FAF1: variants seen among roughly 807,000 people sequenced by gnomAD.
FAF1 encodes Fas associated factor 1.
FAF1 carries 25 observed loss-of-function variants against 92.5 expected under a neutral mutation model. The observed-to-expected ratio is 0.27, with a 90% CI of 0.20 to 0.38. FAF1 has a LOEUF of 0.38. Among genes scored for constraint, FAF1 ranks in the 10% least tolerant of loss-of-function variants. The pLI is 1.00. For missense variants in FAF1, 636 were observed against 793.3 expected (o/e 0.80, Z 2.38); for synonymous variants, 234 against 273.2 (o/e 0.86, Z 1.42).
intron 1 of FAF1, among the ~76,000 whole-genome samples, chr1:50,945,108 G>A (rs904127736): frequency 1.8e-4 from 27 of 152,156 alleles, no homozygotes; most frequent in African/African-American, 3.9e-4. Flanking sequence ...GCCTATGAAC[G>A]GCAGGGAGCA....
In FAF1 at chr1:50,583,595, A is replaced by C. The variant is rs994971421; in HGVS notation, c.1031+57T>G. ...AATCTATAATTAAAATTGCCCAAGAAAAATCACAGTAGCATAAAACAGCAT... is the reference window on the plus strand; with the variant it reads ...AATCTATAATTAAAATTGCCCAAGACAAATCACAGTAGCATAAAACAGCAT... On this transcript the variant is annotated intron_variant, in intron 11 of 18. Transcript: ENST00000396153. This position sits in a 1 kb window ranked among gnomAD's most constrained non-coding sequence, Gnocchi z 4.2. 1.8e-6 allele frequency: 2 copies of C among 1,098,760 alleles called. No individual in the cohort carries two copies. Among genetic ancestry groups the C allele is most frequent in the Non-Finnish European group, 2.6e-6 (2 of 775,398 alleles). 68.1% of individuals were successfully genotyped at this position (1,098,760 alleles called of 1,614,324 possible).
At chr1:50,922,416 G>A (rs1173496772) in intron 1 of FAF1, among the ~76,000 whole-genome samples, 19 of 115,674 alleles carry the variant, frequency 1.6e-4, no homozygotes, top group Non-Finnish European at 2.9e-4. Context: ...CCAAGATCGC[G>A]CCATTGCACT....
At chr1:50,745,678 T>A (rs1408177907) in intron 4 of FAF1, among the ~76,000 whole-genome samples, 2 of 152,328 alleles carry the variant, frequency 1.3e-5, no homozygotes, top group East Asian at 1.9e-4. Flanking sequence ...TAGAAGCAGA[T>A]GCTGCCTTGC....
intron 2 of FAF1, among the ~76,000 whole-genome samples, chr1:50,826,259 T>C (rs1644096565): frequency 6.6e-6 from 1 of 152,138 alleles, no homozygotes; most frequent in Non-Finnish European, 1.5e-5. Flanking sequence ...CAGTAAAAAC[T>C]GGATCTTTAA....
rs751115600 is a variant in FAF1, at chr1:50,788,154, A to G, written c.213T>C (p.His71=). Residue 71 remains histidine (H), a synonymous_variant, in exon 4 of 19, where the codon CAT becomes CAC. Transcript: ENST00000396153. The part of the protein sequence containing the change: ...IPGPAFNPAS[H]PASAPTSSSS... ...AAGAGGAAGTAGGAGCTGAAGCTGG[A>G]TGACTTGCTGGATTAAATGCAGGTC... is the stretch of plus-strand genomic sequence containing the variant. 6.2e-7 allele frequency: 1 copy of G among 1,614,152 alleles called. No homozygotes were observed. The highest frequency in any genetic ancestry group is 8.5e-7 in the Non-Finnish European group (1 of 1,180,026).
intron 1 of FAF1, among the ~76,000 whole-genome samples, chr1:50,918,793 G>C (rs1163516702): frequency 7.5e-6 from 1 of 133,266 alleles, no homozygotes. Flanking sequence ...GGTTGAACTA[G>C]TTTACAGTCC....
intron 17 of FAF1, among the ~76,000 whole-genome samples, chr1:50,487,508 A>G (rs1377797761): frequency 1.3e-5 from 2 of 152,224 alleles, no homozygotes; most frequent in African/African-American, 4.8e-5. Flanking sequence ...TTTGGAAAGA[A>G]TAAGTACATA....
At chr1:50,714,187 AT>A (rs999912774) in intron 6 of FAF1, among the ~76,000 whole-genome samples, 5 of 151,140 alleles carry the variant, frequency 3.3e-5, no homozygotes, top group African/African-American at 7.3e-5. Flanking sequence ...CTTCATTATG[AT>A]TTTTTTTCAA....
chr1:50,857,311 C>CTT (rs35934575), intron 2 of FAF1, among the ~76,000 whole-genome samples: 16 of 149,030 alleles, frequency 1.1e-4, no homozygotes, highest in South Asian at 4.2e-4. Context: ...ATAATTTAAA[C>CTT]TTTTTTTTTT....
chr1:50,695,908 C>G (rs940798807), intron 7 of FAF1, among the ~76,000 whole-genome samples: 5 of 150,574 alleles, frequency 3.3e-5, no homozygotes, highest in African/African-American at 1.2e-4. Flanking sequence ...CTCGTCCTCC[C>G]AAAGTACTGG....
chr1:50,769,746 C>T (rs1423086816), intron 4 of FAF1, among the ~76,000 whole-genome samples: 1 of 152,122 alleles, frequency 6.6e-6, no homozygotes, highest in Admixed American at 6.6e-5. Context: ...ATTCAACATG[C>T]TTCACGTTAA....
At chr1:50,871,841 G>A (rs890480649) in intron 1 of FAF1, among the ~76,000 whole-genome samples, 1 of 151,952 alleles carries the variant, frequency 6.6e-6, no homozygotes, top group African/African-American at 2.4e-5. Flanking sequence ...CGAGGCGGGC[G>A]GATCACGAGG....
chr1:50,551,218 G>GA (rs1336695387), intron 13 of FAF1, among the ~76,000 whole-genome samples: 5 of 151,580 alleles, frequency 3.3e-5, no homozygotes, highest in South Asian at 4.2e-4. Flanking sequence ...ATGCTAAATG[G>GA]AAAAAAAACC....
At position 50,781,678 on chromosome 1, in the gene FAF1, C is replaced by G. The variant is rs72902751; in HGVS notation, c.367+6322G>C. Among the ~76,000 whole-genome samples, 971 of 152,252 alleles carry G rather than the reference C, an allele frequency of 6.4e-3. 19 individuals are homozygous for G. Among genetic ancestry groups the G allele is most frequent in the African/African-American group, 0.022 (926 of 41,538 alleles). ...ACAGATCTAACAGACATATACTGAA[C>G]ATCCATTCTATCACAGCAGAATACA... On this transcript the variant is annotated intron_variant, in intron 4 of 18. Coordinates refer to ENST00000396153, the MANE Select transcript of FAF1 (RefSeq NM_007051.3).
At chr1:50,910,848 G>T (rs1050900230) in intron 1 of FAF1, among the ~76,000 whole-genome samples, 1 of 151,960 alleles carries the variant, frequency 6.6e-6, no homozygotes, top group Non-Finnish European at 1.5e-5. Flanking sequence ...GCAATGCCCC[G>T]CCCTGCTTCG....
At chr1:50,619,768 C>A (rs1653101944) in intron 8 of FAF1, among the ~76,000 whole-genome samples, 3 of 152,178 alleles carry the variant, frequency 2.0e-5, no homozygotes, top group Non-Finnish European at 4.4e-5. Context: ...CTCTGTATTT[C>A]CTGGATTTGC....
intron 1 of FAF1, among the ~76,000 whole-genome samples, chr1:50,940,151 A>G (rs936065214): frequency 1.3e-5 from 2 of 152,120 alleles, no homozygotes; most frequent in Non-Finnish European, 2.9e-5. Flanking sequence ...AGCTCAAGCA[A>G]TCTGCCCACT....
At chr1:50,573,965 TA>T (rs1206742052) in intron 12 of FAF1, among the ~76,000 whole-genome samples, 1 of 145,172 alleles carries the variant, frequency 6.9e-6, no homozygotes, top group East Asian at 1.9e-4. Flanking sequence ...CCATCTCTAC[TA>T]AAAATACAAA....
chr1:50,574,580 T>A (rs1650622062), intron 12 of FAF1, among the ~76,000 whole-genome samples: 1 of 152,132 alleles, frequency 6.6e-6, no homozygotes, highest in Non-Finnish European at 1.5e-5. Flanking sequence ...AGTGCGAATG[T>A]CAAGTGTACT....
Sources: gnomAD v4.1 joint callset for allele counts (sites outside exome capture counted in the v4.1 genomes callset) on GRCh38, gnomAD v4.1.1 for gene constraint, Gnocchi (gnomAD v3.1) non-coding constraint, MANE v1.5 for transcripts, NCBI Gene and HGNC (gene_info 2026-07-23, HGNC 2026-07-21) for gene names.